The following TRPM1 variants were observed in gnomAD, a reference collection of about 807,000 sequenced individuals.
TRPM1 encodes the protein TRPM1-203 APA Isoform, Intron 10.
Under a neutral mutation model 149.4 loss-of-function variants are expected in TRPM1, and 113 were observed. That is an observed-to-expected ratio of 0.76 (90% confidence interval 0.65 to 0.88). The LOEUF is 0.88. Ranked by LOEUF, TRPM1 falls within the 40% of genes least tolerant of loss-of-function variation. The pLI is 0.00. For synonymous variants in TRPM1, 741 were observed against 759.5 expected (o/e 0.98, Z 0.40); for missense variants, 1,976 against 2,038.7 (o/e 0.97, Z 0.59).
chr15:31,072,558 T>C (rs2034589430), intron 3 of TRPM1, among the ~76,000 whole-genome samples: 1 of 152,144 alleles, frequency 6.6e-6, no homozygotes, highest in South Asian at 2.1e-4. Flanking sequence ...GATTGCTGGG[T>C]CATACGGTTA....
At chr15:31,105,543 G>C (rs190587540), upstream of TRPM1, among the ~76,000 whole-genome samples, 200 of 152,204 alleles carry the variant, frequency 1.3e-3, no homozygotes, top group African/African-American at 4.6e-3. Context: ...TAGAAACAGA[G>C]GGATTTTACT....
At chr15:31,021,789 A>T (rs942550495) in intron 27 of TRPM1, among the ~76,000 whole-genome samples, 4 of 152,118 alleles carry the variant, frequency 2.6e-5, no homozygotes, top group Non-Finnish European at 4.4e-5. Flanking sequence ...TTTTGGGGGA[A>T]TCAGAAAATG....
chr15:31,048,743 T>G (rs118074818), intron 13 of TRPM1, among the ~76,000 whole-genome samples: 4,845 of 151,934 alleles, frequency 0.032, 113 homozygotes, highest in South Asian at 0.05. Flanking sequence ...GCCTAGGAGG[T>G]TGAGGCTGCA....
chr15:31,027,836 C>A lies in TRPM1; in HGVS notation c.3293+496G>T, dbSNP rs183541978. The stretch of plus-strand genomic sequence containing the variant: ...AGCATGGTCAACATACTCAACACAA[C>A]ATGCCAAATAGGCAGGTTTTATAAG... On this transcript the variant is annotated intron_variant, in intron 25 of 27. Transcript: ENST00000256552. Among the ~76,000 whole-genome samples the A allele has an allele frequency of 2.8e-3, 431 of 152,300 alleles. 1 individual carries two copies. The highest frequency in any genetic ancestry group is 0.014 in the Middle Eastern group (4 of 294).
intron 3 of TRPM1, among the ~76,000 whole-genome samples, chr15:31,070,861 T>C (rs1475942720): frequency 4.6e-5 from 7 of 152,190 alleles, no homozygotes; most frequent in Admixed American, 3.9e-4. Context: ...TTTTTCCATA[T>C]TGTTGAATTG....
intron 1 of TRPM1, among the ~76,000 whole-genome samples, chr15:31,123,281 A>C (rs1457216503): frequency 6.6e-6 from 1 of 152,236 alleles, no homozygotes; most frequent in African/African-American, 2.4e-5. Flanking sequence ...TTTGGCGATG[A>C]CTTTTCAGAT....
Position 31,151,443 on chromosome 15 carries a change from G to T in TRPM1, c.54+9463C>A, listed in dbSNP as rs150278372. On this transcript the variant is annotated intron_variant, in intron 1 of 26. Transcript: ENST00000542188. ...TGCCCAGCACCCACTCCTGCCAAGG[G>T]TATCCCCTTGTCTCTCATAGCCTGG... Among the ~76,000 whole-genome samples the T allele has an allele frequency of 2.6e-5, 4 of 152,204 alleles. No homozygotes were observed. The South Asian group carries it at 6.2e-4, about 24-fold the overall frequency.
chr15:31,005,707 G>A (rs1239305653), intron 27 of TRPM1, among the ~76,000 whole-genome samples: 1 of 152,208 alleles, frequency 6.6e-6, no homozygotes, highest in Non-Finnish European at 1.5e-5. Context: ...TAGTACGTAT[G>A]AAAGAAGAAA....
rs973629659 is a variant in TRPM1 at position 31,076,823 on chromosome 15, T to C, written c.83+82A>G. 36 of 1,147,074 alleles carry C rather than the reference T, an allele frequency of 3.1e-5. No individual in the cohort carries two copies. The African/African-American group carries it at 3.7e-4, about 12-fold the overall frequency. The allele number at this position is 1,147,074 out of a possible 1,614,324, so 71.1% of individuals were successfully genotyped here. A position where few individuals can be genotyped will look rare whatever the true frequency, so the allele number is the denominator to read the frequency against. Reference sequence around the variant, plus strand: ...GATTCTGGCCACCCTTCTGGACTCCTCTTTCTGCCTCTTACAAACATGAGA... The same window carrying C: ...GATTCTGGCCACCCTTCTGGACTCCCCTTTCTGCCTCTTACAAACATGAGA... On this transcript the variant is annotated intron_variant, in intron 3 of 27. Transcript: ENST00000256552.
At chr15:31,054,005 C>G (rs540890204) in intron 11 of TRPM1, among the ~76,000 whole-genome samples, 1 of 152,302 alleles carries the variant, frequency 6.6e-6, no homozygotes, top group South Asian at 2.1e-4. Flanking sequence ...TTACATGACT[C>G]CACTTATAGG....
intron 23 of TRPM1, among the ~76,000 whole-genome samples, chr15:31,030,475 C>T (rs910510954): frequency 2.0e-5 from 3 of 152,166 alleles, no homozygotes; most frequent in African/African-American, 7.2e-5. Context: ...GATCATAGCC[C>T]ATTTCCTCTA....
rs2031768882 is a variant in TRPM1 at position 31,001,747 on chromosome 15, G to A, written c.*75C>T. On this transcript the variant is annotated 3_prime_UTR_variant, in exon 28 of 28. Transcript: ENST00000256552. ...AAGGAAAATGTTTTTAGAAATTGAT[G>A]ATGTTTAGATGGCCAAGATGACACC... is the stretch of plus-strand genomic sequence containing the variant. 2.7e-6 allele frequency: 4 copies of A among 1,483,888 alleles called. No individual in the cohort carries two copies. The highest frequency in any genetic ancestry group is 3.6e-6 in the Non-Finnish European group (4 of 1,103,696). The allele number at this position is 1,483,888 out of a possible 1,614,324, so 91.9% of individuals were successfully genotyped here. A position where few individuals can be genotyped will look rare whatever the true frequency, so the allele number is the denominator to read the frequency against.
intron 27 of TRPM1, among the ~76,000 whole-genome samples, chr15:31,022,063 AAC>A: frequency 1.3e-5 from 2 of 152,230 alleles, no homozygotes; most frequent in African/African-American, 4.8e-5. Context: ...AAAAAAGGAA[AAC>A]ACACTGGATA....
chr15:31,025,215 C>T (rs372080865), intron 27 of TRPM1, among the ~76,000 whole-genome samples: 2 of 152,306 alleles, frequency 1.3e-5, no homozygotes, highest in African/African-American at 2.4e-5. Context: ...CCTCTGAGCT[C>T]ATCCTTCTGG....
chr15:31,099,643 A>T (rs1216324753), intron 1 of TRPM1, among the ~76,000 whole-genome samples: 1 of 152,224 alleles, frequency 6.6e-6, no homozygotes, highest in Non-Finnish European at 1.5e-5. Flanking sequence ...GCACAGAGCC[A>T]AACCAAACAC....
chr15:31,054,707 G>T (rs939021861), intron 11 of TRPM1, among the ~76,000 whole-genome samples: 1 of 152,138 alleles, frequency 6.6e-6, no homozygotes, highest in African/African-American at 2.4e-5. Context: ...TGGTATACAT[G>T]ATGCTTAAAT....
At chr15:31,061,330 G>A (rs899914769) in intron 10 of TRPM1, 112 bp downstream of exon 10, 4 of 1,052,670 alleles carry the variant, frequency 3.8e-6, no homozygotes, top group Non-Finnish European at 5.8e-6. Flanking sequence ...AAGTGGCCTG[G>A]CTGGCTCAGG....
intron 27 of TRPM1, among the ~76,000 whole-genome samples, chr15:31,008,779 C>A (rs529919818): frequency 1.3e-5 from 2 of 152,292 alleles, no homozygotes; most frequent in Admixed American, 1.3e-4. Flanking sequence ...GTATACATAG[C>A]ATCAGTATTT....
At chr15:31,046,173 T>C in intron 16 of TRPM1, 31 bp downstream of exon 16, 3 of 1,609,082 alleles carry the variant, frequency 1.9e-6, no homozygotes, top group Non-Finnish European at 2.6e-6. Flanking sequence ...ACCAGGATAT[T>C]ATAAAACTGT....
Sources: allele counts gnomAD v4.1 joint callset (sites outside exome capture counted in the v4.1 genomes callset), GRCh38; gene constraint gnomAD v4.1.1; transcripts MANE v1.5; gene names NCBI Gene and HGNC (gene_info 2026-07-23, HGNC 2026-07-21).